KLHL6: variants seen among roughly 807,000 people sequenced by gnomAD.
The protein encoded by KLHL6 is kelch-like protein 6.
Under a neutral mutation model 58.6 loss-of-function variants are expected in KLHL6, and 41 were observed. The observed-to-expected ratio is 0.70, with a 90% CI of 0.55 to 0.91. The LOEUF is 0.91. Among genes scored for constraint, KLHL6 ranks in the 40% least tolerant of loss-of-function variants. The pLI is 0.00. For synonymous variants in KLHL6, 338 were observed against 322.7 expected, an observed-to-expected ratio of 1.05 and a Z score of -0.51; for missense variants, 714 against 805.6, an observed-to-expected ratio of 0.89 and a Z score of 1.38.
At chr3:183,530,421 T>G (rs1216065980) in intron 1 of KLHL6, among the ~76,000 whole-genome samples, 4 of 152,234 alleles carry the variant, frequency 2.6e-5, no homozygotes, top group African/African-American at 9.6e-5. Flanking sequence ...TGTGTTCTGC[T>G]GTTTTGCAAG....
intron 3 of KLHL6, among the ~76,000 whole-genome samples, chr3:183,506,554 G>A (rs1341236149): frequency 6.6e-6 from 1 of 152,194 alleles, no homozygotes; most frequent in Non-Finnish European, 1.5e-5. Context: ...GTGGCTGGGT[G>A]TGGTGGCTCA....
At chr3:183,547,537 C>A (rs1301596668) in intron 1 of KLHL6, among the ~76,000 whole-genome samples, 1 of 152,184 alleles carries the variant, frequency 6.6e-6, no homozygotes, top group Non-Finnish European at 1.5e-5. Flanking sequence ...GTGCTCCATG[C>A]TTTTCATAAT....
chr3:183,533,937 A>G (rs1288381968), intron 1 of KLHL6, among the ~76,000 whole-genome samples: 1 of 151,660 alleles, frequency 6.6e-6, no homozygotes, highest in Non-Finnish European at 1.5e-5. Context: ...GCCTCTGTAA[A>G]GTGAAGAAAT....
At chr3:183,534,641 G>A (rs966760908) in intron 1 of KLHL6, among the ~76,000 whole-genome samples, 2 of 151,430 alleles carry the variant, frequency 1.3e-5, no homozygotes, top group Non-Finnish European at 2.9e-5. Flanking sequence ...GGGCTCAGGC[G>A]ATCCACCCAC....
intron 4 of KLHL6, among the ~76,000 whole-genome samples, chr3:183,495,324 A>G (rs1717685789): frequency 2.0e-5 from 3 of 151,640 alleles, no homozygotes; most frequent in African/African-American, 2.4e-5. Context: ...TTATTTATTT[A>G]TTTTTTTGAA....
At chr3:183,553,406 G>A (rs144301623) in intron 1 of KLHL6, among the ~76,000 whole-genome samples, 65 of 152,252 alleles carry the variant, frequency 4.3e-4, no homozygotes, top group African/African-American at 1.0e-3. Flanking sequence ...ACAGCCAGCG[G>A]GCCTGGTCCA....
intron 1 of KLHL6, among the ~76,000 whole-genome samples, chr3:183,538,731 T>C (rs1475421586): frequency 6.6e-6 from 1 of 152,190 alleles, no homozygotes; most frequent in Non-Finnish European, 1.5e-5. Flanking sequence ...TCTCTCTCTA[T>C]GGTCCCCAGC....
intron 2 of KLHL6, among the ~76,000 whole-genome samples, chr3:183,523,404 G>A (rs957561348): frequency 1.3e-5 from 2 of 152,222 alleles, no homozygotes; most frequent in Admixed American, 1.3e-4. Context: ...CCATGTCACT[G>A]CCCCAGAGGG....
intron 2 of KLHL6, among the ~76,000 whole-genome samples, chr3:183,511,608 G>C (rs866287226): frequency 2.0e-4 from 30 of 152,226 alleles, no homozygotes; most frequent in African/African-American, 6.5e-4. Context: ...TTCCAGGGCA[G>C]AGGTCCCTGC....
chr3:183,544,749 A>AACACACACACACACACACACAC (rs36060782), intron 1 of KLHL6: 2 of 114,714 alleles, frequency 1.7e-5, no homozygotes, highest in African/African-American at 3.3e-5. Flanking sequence ...CTGTCTCTCA[A>AACACACACACACACACACACAC]ACACACACAC....
intron 2 of KLHL6, among the ~76,000 whole-genome samples, chr3:183,526,155 A>G (rs1354781080): frequency 1.3e-5 from 2 of 152,026 alleles, no homozygotes; most frequent in Admixed American, 6.5e-5. Context: ...TAAAAATACA[A>G]AAAAAATTAG....
At chr3:183,518,032 T>C (rs1711619624) in intron 2 of KLHL6, among the ~76,000 whole-genome samples, 1 of 152,200 alleles carries the variant, frequency 6.6e-6, no homozygotes, top group South Asian at 2.1e-4. Context: ...CTGCCTGGAA[T>C]ACTTTTCTCC....
chr3:183,547,796 G>A (rs1034726748), intron 1 of KLHL6, among the ~76,000 whole-genome samples: 5 of 152,068 alleles, frequency 3.3e-5, no homozygotes, highest in Admixed American at 6.6e-5. Flanking sequence ...TCATCCTTGG[G>A]GGAGCTCACT....
At chr3:183,526,345 C>A (rs1422426024) in intron 2 of KLHL6, among the ~76,000 whole-genome samples, 1 of 152,024 alleles carries the variant, frequency 6.6e-6, no homozygotes. Context: ...TTTTACAAAC[C>A]ACAAAGTTAT....
rs1397239329 is a variant in KLHL6, at chr3:183,527,045, G to A, written c.459+800C>T. On this transcript the variant is annotated intron_variant, in intron 2 of 6. Coordinates refer to ENST00000341319, the MANE Select transcript of KLHL6 (RefSeq NM_130446.4). ...ACCCGGGAGGCAGAGGTTGCAGGGGGCCAAGATGGTGCCATTGCATTCCAG... is the reference window on the plus strand; with the variant it reads ...ACCCGGGAGGCAGAGGTTGCAGGGGACCAAGATGGTGCCATTGCATTCCAG... 2.6e-5 allele frequency among the ~76,000 whole-genome samples: 4 copies of A among 151,752 alleles called. 1 individual carries two copies. The highest frequency in any genetic ancestry group is 5.9e-5 in the Non-Finnish European group (4 of 67,942).
rs1002456047 is a variant in KLHL6, at chr3:183,492,402, C to T, written c.1564+92G>A. On this transcript the variant is annotated intron_variant, in intron 6 of 6. Transcript: ENST00000341319. The surrounding 1 kb of genome is among the most constrained non-coding windows in gnomAD (Gnocchi z 5.9). ...GGTCCTAGGGGCAGTGAGTTGCCAG[C>T]GCTGGAGACACCGCGACACACCGTT... 6 of 1,427,126 alleles carry T rather than the reference C, an allele frequency of 4.2e-6. No individual in the cohort carries two copies. In the African/African-American group the frequency reaches 7.0e-5, roughly 17 times the overall value. The allele number at this position is 1,427,126 out of a possible 1,614,324, so 88.4% of individuals were successfully genotyped here.
rs1717821742 is a variant in KLHL6, at chr3:183,499,773, T to C, written c.964A>G (p.Met322Val). 1 of 1,608,820 alleles carries C rather than the reference T, an allele frequency of 6.2e-7. No individual in the cohort carries two copies. The highest frequency in any genetic ancestry group is 2.2e-5 in the East Asian group (1 of 44,722). Residue 322 changes from methionine (M) to valine (V), a missense_variant, in exon 4 of 7, where the codon ATG becomes GTG. By Grantham distance (21) the Met-to-Val change is conservative. Around this residue, in one of 2 missense-constraint regions of KLHL6, gnomAD observed 510 missense variants for 629.7 expected, o/e 0.81. Coordinates refer to ENST00000341319, the MANE Select transcript of KLHL6 (RefSeq NM_130446.4). The surrounding 1 kb of genome is among the most constrained non-coding windows in gnomAD (Gnocchi z 4.6). ...TCCTTCGTGCAGCCGCCAATGATCA[T>C]GAACACCTCAGACTGGAACTCATGC... ...RMHEFQSEVFMIIGGCTKDER... is the reference protein window; with the variant it reads ...RMHEFQSEVFVIIGGCTKDER...
rs140807426 is a variant in KLHL6, at chr3:183,508,733, A to T, written c.460-225T>A. ...ATTCATTCATACAGTCGACAAAACAATGAGATACTTACGGGAGGAGCTAAA... is the reference window on the plus strand; with the variant it reads ...ATTCATTCATACAGTCGACAAAACATTGAGATACTTACGGGAGGAGCTAAA... On this transcript the variant is annotated intron_variant, in intron 2 of 6. Coordinates refer to ENST00000341319, the MANE Select transcript of KLHL6 (RefSeq NM_130446.4). 1.0e-3 allele frequency among the ~76,000 whole-genome samples: 152 copies of T among 152,340 alleles called. 1 individual carries two copies. Among genetic ancestry groups the T allele is most frequent in the African/African-American group, 3.5e-3 (144 of 41,572 alleles).
chr3:183,531,829 G>A (rs911626596), intron 1 of KLHL6, among the ~76,000 whole-genome samples: 1 of 152,176 alleles, frequency 6.6e-6, no homozygotes, highest in Admixed American at 6.5e-5. Context: ...CATACATCTT[G>A]TCTTGTTCCA....
Sources: allele counts gnomAD v4.1 joint callset (sites outside exome capture counted in the v4.1 genomes callset), GRCh38; gene constraint gnomAD v4.1.1; regional missense constraint gnomAD v4.1.1; non-coding constraint Gnocchi (gnomAD v3.1); transcripts MANE v1.5; gene names NCBI Gene and HGNC (gene_info 2026-07-23, HGNC 2026-07-21).